AUTS2: variants seen among roughly 807,000 people sequenced by gnomAD.
AUTS2 encodes the protein autism susceptibility gene 2 protein.
Under a neutral mutation model 112.4 loss-of-function variants are expected in AUTS2, and 17 were observed. That is an observed-to-expected ratio of 0.15 (90% CI 0.10 to 0.23). AUTS2 has a LOEUF of 0.23. AUTS2 is among the 10% of genes least tolerant of loss of function. The probability of loss-of-function intolerance (pLI) is 1.00; values close to 1 mark genes in which losing one functional copy is unlikely to be tolerated. For missense variants in AUTS2, 1,510 were observed against 1,701.6 expected (o/e 0.89, Z 1.98); for synonymous variants, 751 against 702.7 (o/e 1.07, Z -1.09).
intron 4 of AUTS2, among the ~76,000 whole-genome samples, chr7:70,216,295 C>T (rs377085166): frequency 6.6e-6 from 1 of 152,198 alleles, no homozygotes; most frequent in Admixed American, 6.5e-5. Flanking sequence ...AGGTGTATGA[C>T]GGGCTTGAAG....
intron 1 of AUTS2, among the ~76,000 whole-genome samples, chr7:69,804,736 C>T (rs1281554205): frequency 9.2e-5 from 14 of 152,166 alleles, no homozygotes; most frequent in Admixed American, 8.5e-4. Flanking sequence ...TTTCTTGTCT[C>T]GATTTGTAGC....
At chr7:70,282,401 G>T (rs1437026498) in intron 4 of AUTS2, among the ~76,000 whole-genome samples, 9 of 152,254 alleles carry the variant, frequency 5.9e-5, no homozygotes, top group African/African-American at 2.2e-4. Flanking sequence ...TCTGACAGTT[G>T]TGGAGGCTGG....
At chr7:69,815,895 T>C (rs182828701) in intron 1 of AUTS2, among the ~76,000 whole-genome samples, 1 of 152,346 alleles carries the variant, frequency 6.6e-6, no homozygotes, top group East Asian at 1.9e-4. Flanking sequence ...AACAGAGCCA[T>C]CTTTGACTAC....
intron 1 of AUTS2, among the ~76,000 whole-genome samples, chr7:69,695,805 A>T (rs1037368704): frequency 2.0e-5 from 3 of 152,184 alleles, no homozygotes; most frequent in Non-Finnish European, 2.9e-5. Context: ...TCTAATTTTG[A>T]ATTTCTTGAA....
At position 69,978,859 on chromosome 7, in the gene AUTS2, A is replaced by AACACACACACACAC. The variant is rs71068004; in HGVS notation, c.522+79390_522+79403dup. 6.2e-3 allele frequency among the ~76,000 whole-genome samples: 798 copies of AACACACACACACAC among 129,684 alleles called. 12 individuals are homozygous for AACACACACACACAC. The highest frequency in any genetic ancestry group is 9.0e-3 in the East Asian group (37 of 4,104). The allele number at this position is 129,684 out of a possible 152,430, so 85.1% of individuals were successfully genotyped here. The stretch of plus-strand genomic sequence containing the variant: ...AAGACCCTGTCTGTCTCAAAGAAAC[A>AACACACACACACAC]ACACACACACACACACACACACACA... On this transcript the variant is annotated intron_variant, in intron 2 of 18. Coordinates refer to ENST00000342771, the MANE Select transcript of AUTS2 (RefSeq NM_015570.4).
chr7:70,569,428 G>A lies in AUTS2; in HGVS notation c.691-129141G>A, dbSNP rs76236152. Among the ~76,000 whole-genome samples the A allele has an allele frequency of 7.1e-3, 1,087 of 152,268 alleles. 13 individuals are homozygous for A. The highest frequency in any genetic ancestry group is 0.012 in the Non-Finnish European group (849 of 68,012). On this transcript the variant is annotated intron_variant, in intron 5 of 18. Transcript: ENST00000342771. ...ATCATAGAGCAAGACTTCTGATCTG[G>A]CCGCACTTGTATCCCACCGGCTGCA...
chr7:69,890,094 T>C lies in AUTS2; in HGVS notation c.310-9192T>C, dbSNP rs185669753. ...ATCTGGAGGGACTGTAATCCAATTT[T>C]AGGAATCCTTCAGGGCTGAGAGCCT... On this transcript the variant is annotated intron_variant, in intron 1 of 18. Coordinates refer to ENST00000342771, the MANE Select transcript of AUTS2 (RefSeq NM_015570.4). Among the ~76,000 whole-genome samples, 7 of 152,306 alleles carry C rather than the reference T, an allele frequency of 4.6e-5. No homozygotes were observed. The East Asian group carries it at 1.4e-3, about 29-fold the overall frequency.
At chr7:69,697,741 T>A (rs1220386576) in intron 1 of AUTS2, among the ~76,000 whole-genome samples, 1 of 152,216 alleles carries the variant, frequency 6.6e-6, no homozygotes, top group Non-Finnish European at 1.5e-5. Context: ...CCTCCATTTT[T>A]AAATTACAAT....
intron 6 of AUTS2, among the ~76,000 whole-genome samples, chr7:70,753,153 C>T (rs998747085): frequency 6.6e-6 from 1 of 152,104 alleles, no homozygotes; most frequent in Non-Finnish European, 1.5e-5. Flanking sequence ...TTAATCTGCT[C>T]AACTAGATGA....
chr7:70,462,407 A>G (rs1361910002), intron 5 of AUTS2, among the ~76,000 whole-genome samples: 1 of 152,198 alleles, frequency 6.6e-6, no homozygotes, highest in East Asian at 1.9e-4. Context: ...CAAGTGTAGT[A>G]CAGTGTTAAT....
At chr7:70,547,780 T>G (rs541247662) in intron 5 of AUTS2, among the ~76,000 whole-genome samples, 5 of 152,340 alleles carry the variant, frequency 3.3e-5, no homozygotes, top group African/African-American at 7.2e-5. Flanking sequence ...CACATACAGC[T>G]GAGTGGACAT....
At position 69,796,494 on chromosome 7, in the gene AUTS2, G is replaced by A. The variant is rs1008881679; in HGVS notation, c.310-102792G>A. On this transcript the variant is annotated intron_variant, in intron 1 of 18. Coordinates refer to ENST00000342771, the MANE Select transcript of AUTS2 (RefSeq NM_015570.4). ...GCCATGATTGTGCCACTTCACTCCA[G>A]CCTAGGCGACAGAGTGAGACTCTGT... Among the ~76,000 whole-genome samples, 12 of 149,828 alleles carry A rather than the reference G, an allele frequency of 8.0e-5. No individual in the cohort carries two copies. In the East Asian group the frequency reaches 2.4e-3, roughly 29 times the overall value.
At chr7:69,611,755 C>G (rs1447640738) in intron 1 of AUTS2, among the ~76,000 whole-genome samples, 1 of 150,898 alleles carries the variant, frequency 6.6e-6, no homozygotes, top group Non-Finnish European at 1.5e-5. Context: ...AAGGTGAAAC[C>G]CCGTCTCTAC....
At chr7:70,335,419 G>A (rs754729474) in intron 4 of AUTS2, among the ~76,000 whole-genome samples, 2 of 152,170 alleles carry the variant, frequency 1.3e-5, no homozygotes, top group African/African-American at 4.8e-5. Flanking sequence ...GCTCCCCGAA[G>A]TAGTGGGCCC....
At chr7:69,760,923 G>A (rs1019627348) in intron 1 of AUTS2, among the ~76,000 whole-genome samples, 2 of 152,160 alleles carry the variant, frequency 1.3e-5, no homozygotes, top group Non-Finnish European at 2.9e-5. Context: ...CTCAATTTAC[G>A]AATCTCTGGT....
chr7:70,538,138 G>A (rs1456198290), intron 5 of AUTS2, among the ~76,000 whole-genome samples: 6 of 152,174 alleles, frequency 3.9e-5, no homozygotes, highest in Non-Finnish European at 8.8e-5. Flanking sequence ...TCCAGAGGCT[G>A]AGGCTGGAGG....
intron 1 of AUTS2, among the ~76,000 whole-genome samples, chr7:69,799,480 G>A (rs987711125): frequency 2.0e-5 from 3 of 152,052 alleles, no homozygotes; most frequent in African/African-American, 7.2e-5. Flanking sequence ...CGAGTTTGGG[G>A]AACCGGTATT....
intron 2 of AUTS2, among the ~76,000 whole-genome samples, chr7:70,047,738 A>G (rs995905524): frequency 1.3e-5 from 2 of 152,180 alleles, no homozygotes; most frequent in African/African-American, 4.8e-5. Flanking sequence ...ATGGGGAGAA[A>G]CTTACACTAA....
chr7:69,759,152 A>G (rs1346454392), intron 1 of AUTS2, among the ~76,000 whole-genome samples: 1 of 152,186 alleles, frequency 6.6e-6, no homozygotes, highest in Admixed American at 6.5e-5. Flanking sequence ...AAGGTCAGAC[A>G]GCTGTCTGCC....
Sources: gnomAD v4.1 joint callset for allele counts (sites outside exome capture counted in the v4.1 genomes callset) on GRCh38, gnomAD v4.1.1 for gene constraint, MANE v1.5 for transcripts, NCBI Gene and HGNC (gene_info 2026-07-23, HGNC 2026-07-21) for gene names.